Variants in SLC4A10 observed in about 807,000 individuals in gnomAD.
SLC4A10 encodes the protein sodium-driven chloride bicarbonate exchanger.
A neutral mutation model predicts 137.7 loss-of-function variants in SLC4A10; 42 were observed. The observed-to-expected ratio is 0.30, with a 90% CI of 0.24 to 0.39. SLC4A10 has a LOEUF of 0.39. Ranked by LOEUF, SLC4A10 falls within the 10% of genes least tolerant of loss-of-function variation. The pLI is 1.00. For missense variants in SLC4A10, 925 were observed against 1,355.0 expected (o/e 0.68, Z 4.98); for synonymous variants, 474 against 464.1 (o/e 1.02, Z -0.27).
At chr2:161,818,231 T>G (rs151290024) in intron 3 of SLC4A10, among the ~76,000 whole-genome samples, 10,066 of 152,220 alleles carry the variant, frequency 0.066, 439 homozygotes, top group East Asian at 0.15. Context: ...TATTTTATTC[T>G]CTTTGAAGCA....
chr2:161,963,126 A>C (rs1697007677), intron 21 of SLC4A10, among the ~76,000 whole-genome samples: 1 of 152,128 alleles, frequency 6.6e-6, no homozygotes, highest in South Asian at 2.1e-4. Flanking sequence ...ATCTATATAA[A>C]ATAAAACTAT....
At chr2:161,758,716 G>C (rs1054223765) in intron 1 of SLC4A10, among the ~76,000 whole-genome samples, 20 of 151,970 alleles carry the variant, frequency 1.3e-4, no homozygotes, top group African/African-American at 4.6e-4. Context: ...ATGATGGAGA[G>C]TGTAGAACTT....
chr2:161,837,747 G>A lies in SLC4A10; in HGVS notation c.278-2042G>A, dbSNP rs533455903. On this transcript the variant is annotated intron_variant, in intron 3 of 26. Transcript: ENST00000446997. ...TGGTATTGTCAAAGGAATAGACAAAGCAATGAACTAAATGTTTGTGTTCCC... is the reference window on the plus strand; with the variant it reads ...TGGTATTGTCAAAGGAATAGACAAAACAATGAACTAAATGTTTGTGTTCCC... Among the ~76,000 whole-genome samples the A allele has an allele frequency of 1.7e-3, 256 of 152,230 alleles. 1 individual carries two copies. The highest frequency in any genetic ancestry group is 3.4e-3 in the Middle Eastern group (1 of 294).
intron 3 of SLC4A10, among the ~76,000 whole-genome samples, chr2:161,837,134 TAGAG>T (rs1421499803): frequency 1.3e-5 from 2 of 151,882 alleles, no homozygotes; most frequent in Non-Finnish European, 2.9e-5. Context: ...AATAAATAAA[TAGAG>T]AAAGAGCTTG....
intron 1 of SLC4A10, among the ~76,000 whole-genome samples, chr2:161,752,750 C>A (rs973650002): frequency 1.3e-5 from 2 of 151,976 alleles, no homozygotes; most frequent in East Asian, 1.9e-4. Context: ...CACCTATATG[C>A]GGAATCTAAA....
intron 3 of SLC4A10, among the ~76,000 whole-genome samples, chr2:161,833,649 C>T (rs2058578863): frequency 6.6e-6 from 1 of 152,128 alleles, no homozygotes; most frequent in South Asian, 2.1e-4. Context: ...TTAGTTTATT[C>T]TAGACACACC....
In SLC4A10 at chr2:161,950,744, A is replaced by G; in HGVS notation, c.2437A>G (p.Thr813Ala). The change falls in exon 19 of 27, where the codon ACA (threonine) becomes GCA (alanine). Residue 813 changes from threonine to alanine, a missense_variant. By Grantham distance (58) the Thr-to-Ala change is moderately conservative. Around this residue, in one of 11 missense-constraint regions of SLC4A10, gnomAD observed 82 missense variants for 151.4 expected, o/e 0.54. Transcript: ENST00000446997. The stretch of plus-strand genomic sequence containing the variant: ...GCCTTTAGGTCCAAACCCATGGTGG[A>G]CAGTAATAGCTGCTATAATTCCAGC... ...VTPLGPNPWW[T>A]VIAAIIPALL... is the part of the protein sequence containing the mutation. 6.3e-7 allele frequency: 1 copy of G among 1,596,426 alleles called. No homozygotes were observed. Among genetic ancestry groups the G allele is most frequent in the Non-Finnish European group, 8.5e-7 (1 of 1,170,546 alleles).
intron 7 of SLC4A10, 186 bp from the exon 8 acceptor site, chr2:161,873,730 G>A (rs1271450379): frequency 2.0e-6 from 1 of 511,956 alleles, no homozygotes; most frequent in Non-Finnish European, 3.5e-6. Flanking sequence ...AAGCAGTAGA[G>A]GAAGTAGCCT....
intron 2 of SLC4A10, among the ~76,000 whole-genome samples, chr2:161,771,312 A>G (rs1218794458): frequency 2.0e-5 from 3 of 151,860 alleles, no homozygotes; most frequent in Non-Finnish European, 2.9e-5. Flanking sequence ...CTGTGTGTCA[A>G]TCTTTCAATA....
chr2:161,941,427 G>A (rs1298252169), intron 15 of SLC4A10, among the ~76,000 whole-genome samples: 1 of 152,120 alleles, frequency 6.6e-6, no homozygotes, highest in Non-Finnish European at 1.5e-5. Context: ...GGCTATTGGA[G>A]GAGCTATGAA....
intron 26 of SLC4A10, among the ~76,000 whole-genome samples, chr2:161,980,783 G>C (rs1367625572): frequency 6.6e-6 from 1 of 152,040 alleles, no homozygotes; most frequent in Non-Finnish European, 1.5e-5. Flanking sequence ...AACTCCTCAG[G>C]GACAGGGACA....
chr2:161,624,761 C>T (rs890443756), intron 1 of SLC4A10, among the ~76,000 whole-genome samples, 195 bp downstream of exon 1: 1 of 151,930 alleles, frequency 6.6e-6, no homozygotes, highest in Non-Finnish European at 1.5e-5. Context: ...CTCCCCCCCC[C>T]TTCTCAATAT....
chr2:161,804,505 C>T lies in SLC4A10; in HGVS notation c.187C>T (p.Arg63Ter). ...HVPLGGRKSH[R>*]RHRHRGHKHR... ...GCCCTTGGGAGGAAGAAAAAGCCAT[C>T]GACGTCACAGGCATCGTGGTCATAA... Residue 63 changes from arginine to a stop codon, truncating the protein, a stop_gained, in exon 3 of 27, where the codon CGA (arginine) becomes TGA (stop). Coordinates refer to ENST00000446997, the MANE Select transcript of SLC4A10 (RefSeq NM_001178015.2). LOFTEE classifies it high-confidence loss of function. The T allele has an allele frequency of 3.1e-6, 5 of 1,612,934 alleles. No individual in the cohort carries two copies. Among genetic ancestry groups the T allele is most frequent in the Non-Finnish European group, 4.2e-6 (5 of 1,179,360 alleles).
At chr2:161,811,142 C>T (rs573751139) in intron 3 of SLC4A10, among the ~76,000 whole-genome samples, 219 of 152,054 alleles carry the variant, frequency 1.4e-3, no homozygotes, top group African/African-American at 5.1e-3. Flanking sequence ...TCTAGATTTT[C>T]TAATTTGTTT....
intron 4 of SLC4A10, among the ~76,000 whole-genome samples, chr2:161,844,529 C>T (rs1007148698): frequency 6.6e-6 from 1 of 151,944 alleles, no homozygotes; most frequent in Non-Finnish European, 1.5e-5. Flanking sequence ...ATTATTTCCC[C>T]GAAGGCTATA....
chr2:161,691,516 C>T (rs1439964760), intron 1 of SLC4A10, among the ~76,000 whole-genome samples: 9 of 151,922 alleles, frequency 5.9e-5, no homozygotes, highest in Admixed American at 2.0e-4. Context: ...GGATGGGTAG[C>T]CCATTTTCTA....
Position 161,945,214 on chromosome 2 carries a change from A to G in SLC4A10, c.2103+2317A>G, listed in dbSNP as rs903557669. On this transcript the variant is annotated intron_variant, in intron 16 of 26. Transcript: ENST00000446997. ...TATATATATATATATATATATATAT[A>G]TATATATATATATATATATATTTGT... Among the ~76,000 whole-genome samples the G allele has an allele frequency of 2.5e-4, 21 of 85,190 alleles. 1 individual carries two copies. The highest frequency in any genetic ancestry group is 1.2e-3 in the East Asian group (5 of 4,290). 55.9% of individuals were successfully genotyped at this position (85,190 alleles called of 152,430 possible). A position where few individuals can be genotyped will look rare whatever the true frequency, so the allele number is the denominator to read the frequency against.
chr2:161,748,594 T>C (rs2048632818), intron 1 of SLC4A10, among the ~76,000 whole-genome samples: 1 of 152,088 alleles, frequency 6.6e-6, no homozygotes, highest in African/African-American at 2.4e-5. Flanking sequence ...TGAATGTGTA[T>C]GTCTGGGCTT....
chr2:161,688,975 A>C (rs2041711120), intron 1 of SLC4A10, among the ~76,000 whole-genome samples: 1 of 152,168 alleles, frequency 6.6e-6, no homozygotes, highest in African/African-American at 2.4e-5. Flanking sequence ...AGTTCTTAAC[A>C]AAAAATATGT....
Sources: allele counts gnomAD v4.1 joint callset (sites outside exome capture counted in the v4.1 genomes callset), GRCh38; gene constraint gnomAD v4.1.1; regional missense constraint gnomAD v4.1.1; transcripts MANE v1.5; gene names NCBI Gene and HGNC (gene_info 2026-07-23, HGNC 2026-07-21).